The following ANKRD30A variants were observed in gnomAD, a reference collection of about 807,000 sequenced individuals.
ANKRD30A encodes ankyrin repeat domain-containing protein 30A.
ANKRD30A carries 170 observed loss-of-function variants against 166.3 expected under a neutral mutation model. The observed-to-expected ratio is 1.02, with a 90% CI of 0.90 to 1.16. The LOEUF is 1.16. Ranked by LOEUF, ANKRD30A falls within the 50% of genes most tolerant of loss-of-function variation. The pLI is 0.00. For missense variants in ANKRD30A, 1,630 were observed against 1,518.0 expected, an observed-to-expected ratio of 1.07 and a Z score of -1.23; for synonymous variants, 564 against 508.9, an observed-to-expected ratio of 1.11 and a Z score of -1.46.
intron 31 of ANKRD30A, among the ~76,000 whole-genome samples, chr10:37,214,865 T>G (rs573904245): frequency 1.3e-5 from 2 of 151,540 alleles, no homozygotes; most frequent in South Asian, 4.1e-4. Context: ...TTTAGCCAAT[T>G]TTTCCTCAAA....
chr10:37,143,431 G>A (rs776853401), intron 7 of ANKRD30A, among the ~76,000 whole-genome samples: 3 of 152,116 alleles, frequency 2.0e-5, no homozygotes, highest in Non-Finnish European at 4.4e-5. Flanking sequence ...TGAAGCATGC[G>A]GATCACCAGG....
intron 31 of ANKRD30A, among the ~76,000 whole-genome samples, chr10:37,209,831 T>G (rs1040488129): frequency 6.6e-6 from 1 of 152,118 alleles, no homozygotes; most frequent in African/African-American, 2.4e-5. Flanking sequence ...ATTATATTTT[T>G]TTTGACACTG....
intron 30 of ANKRD30A, among the ~76,000 whole-genome samples, 185 bp downstream of exon 30, chr10:37,199,973 T>G (rs1375828402): frequency 6.6e-6 from 1 of 152,112 alleles, no homozygotes; most frequent in Non-Finnish European, 1.5e-5. Context: ...AGTGATATTG[T>G]GTGAATTTGT....
intron 19 of ANKRD30A, among the ~76,000 whole-genome samples, 168 bp downstream of exon 19, chr10:37,166,863 G>C (rs556551070): frequency 1.3e-5 from 2 of 152,252 alleles, no homozygotes; most frequent in African/African-American, 4.8e-5. Context: ...GATGGCAACA[G>C]ACTATATTGT....
intron 25 of ANKRD30A, among the ~76,000 whole-genome samples, chr10:37,190,487 A>G (rs1840457959): frequency 6.6e-6 from 1 of 151,696 alleles, no homozygotes; most frequent in African/African-American, 2.4e-5. Flanking sequence ...AGATACTACC[A>G]CTCCTCAAAG....
chr10:37,209,442 T>G (rs1315145124), intron 31 of ANKRD30A, among the ~76,000 whole-genome samples: 1 of 151,762 alleles, frequency 6.6e-6, no homozygotes, highest in East Asian at 1.9e-4. Flanking sequence ...AGGTGGGAGG[T>G]GCCATGCATG....
At chr10:37,155,810 G>T (rs1347025696) in intron 13 of ANKRD30A, among the ~76,000 whole-genome samples, 6 of 152,098 alleles carry the variant, frequency 3.9e-5, no homozygotes, top group Admixed American at 3.3e-4. Context: ...GGCCAGTCGT[G>T]GTGGCTCACG....
chr10:37,255,431 T>C, the ANKRD30A span, among the ~76,000 whole-genome samples: 1 of 152,208 alleles, frequency 6.6e-6, no homozygotes, highest in African/African-American at 2.4e-5. Context: ...AAAATGGTTT[T>C]ATGGTTTTGG....
intron 31 of ANKRD30A, among the ~76,000 whole-genome samples, chr10:37,214,508 A>G (rs1842502365): frequency 6.7e-6 from 1 of 148,974 alleles, no homozygotes; most frequent in African/African-American, 2.5e-5. Flanking sequence ...CCTTCAGACT[A>G]GTTTAGTAAT....
downstream of ANKRD30A, among the ~76,000 whole-genome samples, chr10:37,233,074 G>A (rs1843525722): frequency 6.6e-6 from 1 of 151,898 alleles, no homozygotes; most frequent in Admixed American, 6.6e-5. Context: ...GAAAAATAGT[G>A]TATGCTTATG....
At chr10:37,162,576 T>A in intron 15 of ANKRD30A, 73 bp from the exon 16 acceptor site, 3 of 1,578,796 alleles carry the variant, frequency 1.9e-6, no homozygotes, top group Non-Finnish European at 8.7e-7. Flanking sequence ...AGTTAAATAC[T>A]ATCACGGCAT....
intron 32 of ANKRD30A, among the ~76,000 whole-genome samples, chr10:37,217,269 T>C (rs1345423021): frequency 6.6e-6 from 1 of 151,022 alleles, no homozygotes; most frequent in Non-Finnish European, 1.5e-5. Flanking sequence ...TGAATATTTA[T>C]GTCTAACAGA....
At chr10:37,248,323 ATCTGAAGC>A in the ANKRD30A span, 9 of 371,996 alleles carry the variant, frequency 2.4e-5, no homozygotes, top group South Asian at 2.1e-4. Context: ...CCTATGAGAT[ATCTGAAGC>A]TTGAAAGAGA....
At chr10:37,251,059 C>T in the ANKRD30A span, among the ~76,000 whole-genome samples, 2 of 152,110 alleles carry the variant, frequency 1.3e-5, no homozygotes, top group African/African-American at 2.4e-5. Context: ...ATCACTAACA[C>T]GTGGGTGGAG....
intron 11 of ANKRD30A, among the ~76,000 whole-genome samples, chr10:37,150,740 T>C (rs1325156347): frequency 6.6e-6 from 1 of 152,136 alleles, no homozygotes; most frequent in African/African-American, 2.4e-5. Context: ...CCATAGTTAA[T>C]TGCACAATTT....
chr10:37,259,470 A>T, the ANKRD30A span, among the ~76,000 whole-genome samples: 1 of 152,216 alleles, frequency 6.6e-6, no homozygotes, highest in Admixed American at 6.5e-5. Flanking sequence ...TAATATATAA[A>T]TATTTTAAGA....
At chr10:37,130,041 G>A in intron 2 of ANKRD30A, 34 bp downstream of exon 2, 2 of 1,418,466 alleles carry the variant, frequency 1.4e-6, no homozygotes, top group Non-Finnish European at 1.9e-6. Flanking sequence ...GCAGGAGATG[G>A]ATTTGGTTTA....
In ANKRD30A at chr10:37,142,814, A is replaced by G. The variant is rs552356471; in HGVS notation, c.1393+524A>G. Among the ~76,000 whole-genome samples the G allele has an allele frequency of 7.2e-5, 11 of 151,770 alleles. 1 individual carries two copies. In the South Asian group the frequency reaches 2.3e-3, roughly 32 times the overall value. On this transcript the variant is annotated intron_variant, in intron 7 of 35. Transcript: ENST00000361713. ...TATATTGACCAGACTCAAACTCCTG[A>G]CCTCATGATATGCCTGCCTTGGCCT...
In ANKRD30A at chr10:37,125,861, T is replaced by G; in HGVS notation, c.74T>G (p.Val25Gly). The change falls in exon 1 of 36, where the codon GTC becomes GGC. Residue 25 changes from valine (V) to glycine (G), a missense_variant. Physicochemically the swap from Val to Gly is moderately radical, Grantham distance 109. Around this residue, in one of 4 missense-constraint regions of ANKRD30A, gnomAD observed 904 missense variants for 818.5 expected, o/e 1.10. Coordinates refer to ENST00000361713, the MANE Select transcript of ANKRD30A (RefSeq NM_052997.3). ...CGCCCGAGCCCTTTCAGCCAGCTAG[T>G]CTATACCAGCAACGACTCCTACATC... ...PERPSPFSQL[V>G]YTSNDSYIVH... 1 of 1,399,254 alleles carries G rather than the reference T, an allele frequency of 7.1e-7. No homozygotes were observed. Among genetic ancestry groups the G allele is most frequent in the Non-Finnish European group, 1.0e-6 (1 of 997,460 alleles). The allele number at this position is 1,399,254 out of a possible 1,614,324, so 86.7% of individuals were successfully genotyped here.
Sources: gnomAD v4.1 joint callset for allele counts (sites outside exome capture counted in the v4.1 genomes callset) on GRCh38, gnomAD v4.1.1 for gene constraint, gnomAD v4.1.1 regional missense constraint, MANE v1.5 for transcripts, NCBI Gene and HGNC (gene_info 2026-07-23, HGNC 2026-07-21) for gene names.